LTBP4: variants seen among roughly 807,000 people sequenced by gnomAD.
The protein encoded by LTBP4 is latent-transforming growth factor beta-binding protein 4.
In LTBP4, 93 loss-of-function variants were observed where a neutral mutation model predicts 180.2. The ratio of observed to expected loss-of-function variants is 0.52; its 90% CI spans 0.44 to 0.61. LTBP4 has a LOEUF of 0.61. LTBP4 is among the 20% of genes least tolerant of loss of function. The probability of loss-of-function intolerance (pLI) is 0.00; values close to 1 mark genes in which losing one functional copy is unlikely to be tolerated. For missense variants in LTBP4, 2,116 were observed against 2,256.5 expected (o/e 0.94, Z 1.26); for synonymous variants, 947 against 934.5 (o/e 1.01, Z -0.24).
In LTBP4 at chr19:40,609,724, C is replaced by G; in HGVS notation, c.1559-22C>G. 6.2e-7 allele frequency: 1 copy of G among 1,611,422 alleles called. No individual in the cohort carries two copies. Among genetic ancestry groups the G allele is most frequent in the African/African-American group, 1.3e-5 (1 of 75,010 alleles). On this transcript the variant is annotated intron_variant, in intron 10 of 29. Coordinates refer to ENST00000396819, the MANE Select transcript of LTBP4 (RefSeq NM_001042545.2). The surrounding 1 kb of genome is among the most constrained non-coding windows in gnomAD (Gnocchi z 4.9). ...GGGGCTTTGCCTGGTCACCTTGTCA[C>G]CAGCCCCCTCCGTGTCCTCAGATGT...
intron 28 of LTBP4, 28 bp from the exon 29 acceptor site, chr19:40,627,677 A>C: frequency 6.4e-7 from 1 of 1,567,516 alleles, no homozygotes; most frequent in South Asian, 1.2e-5. Context: ...AGGGACCTCA[A>C]GTCATAGGGT....
rs1255065335 is a variant in LTBP4 at position 40,622,393 on chromosome 19, C to T, written c.3218-8C>T. The stretch of plus-strand genomic sequence containing the variant: ...CCCACACTGGGCTAAAGCTCCTTGT[C>T]TCCCCAGGCACGTTCCCAGGCTCGC... On this transcript the variant is annotated splice_region_variant and splice_polypyrimidine_tract_variant and intron_variant, in intron 22 of 29. Transcript: ENST00000396819. This position sits in a 1 kb window ranked among gnomAD's most constrained non-coding sequence, Gnocchi z 5.1. The T allele has an allele frequency of 1.4e-5, 21 of 1,496,708 alleles. No individual in the cohort carries two copies. Among genetic ancestry groups the T allele is most frequent in the Non-Finnish European group, 1.6e-5 (18 of 1,113,826 alleles). The allele number at this position is 1,496,708 out of a possible 1,614,324, so 92.7% of individuals were successfully genotyped here.
intron 20 of LTBP4, 35 bp from the exon 21 acceptor site, chr19:40,617,065 G>A (rs558840877): frequency 2.4e-5 from 39 of 1,613,438 alleles, no homozygotes; most frequent in Non-Finnish European, 3.3e-5. Context: ...GATGGTAGAA[G>A]GTCCAGAAAT....
chr19:40,626,054 G>T, intron 27 of LTBP4, 45 bp downstream of exon 27: 1 of 1,531,330 alleles, frequency 6.5e-7, no homozygotes, highest in Non-Finnish European at 8.7e-7. Context: ...TTGCCCCATG[G>T]GCTCCAAATC....
In LTBP4 at chr19:40,613,250, G is replaced by C; in HGVS notation, c.2431+54G>C. On this transcript the variant is annotated intron_variant, in intron 16 of 29. Transcript: ENST00000396819. The surrounding 1 kb of genome is among the most constrained non-coding windows in gnomAD (Gnocchi z 5.0). ...TCTGGGAGTAGGGCCTGGGTTCCAG[G>C]GCAAAGCCGGCTGGAAAGGTGGAGG... is the stretch of plus-strand genomic sequence containing the variant. 1 of 1,544,380 alleles carries C rather than the reference G, an allele frequency of 6.5e-7. No individual in the cohort carries two copies. The highest frequency in any genetic ancestry group is 8.8e-7 in the Non-Finnish European group (1 of 1,141,604).
At position 40,611,853 on chromosome 19, in the gene LTBP4, C is replaced by T. The variant is rs555932806; in HGVS notation, c.2054-6C>T. On this transcript the variant is annotated splice_polypyrimidine_tract_variant and splice_region_variant and intron_variant, in intron 13 of 29. Coordinates refer to ENST00000396819, the MANE Select transcript of LTBP4 (RefSeq NM_001042545.2). The surrounding 1 kb of genome is among the most constrained non-coding windows in gnomAD (Gnocchi z 4.4). ...TCCTCAGCCTCATTGGTCCCCTCTG[C>T]CCCAGATGTGGATGAGTGTGCCCGA... 1.2e-6 allele frequency: 2 copies of T among 1,606,398 alleles called. No homozygotes were observed. Among genetic ancestry groups the T allele is most frequent in the South Asian group, 1.1e-5 (1 of 89,368 alleles).
At chr19:40,623,778 C>G in intron 25 of LTBP4, 46 bp downstream of exon 25, 4 of 1,609,374 alleles carry the variant, frequency 2.5e-6, no homozygotes, top group Non-Finnish European at 2.6e-6. Context: ...TCTCCAACCC[C>G]TAGCCTTGCC....
chr19:40,628,299 G>A (rs2081652199), intron 29 of LTBP4, among the ~76,000 whole-genome samples: 1 of 152,192 alleles, frequency 6.6e-6, no homozygotes, highest in African/African-American at 2.4e-5. Context: ...CCAGCACTTT[G>A]GGAGGCCGAG....
intron 1 of LTBP4, among the ~76,000 whole-genome samples, chr19:40,595,730 TTTATTA>T (rs1414697756): frequency 1.3e-5 from 2 of 151,816 alleles, no homozygotes; most frequent in Non-Finnish European, 2.9e-5. Context: ...TATGTATTTA[TTTATTA>T]TTGAGATAGG....
Position 40,611,469 on chromosome 19 carries a change from GA to G in LTBP4, c.2053+76del, listed in dbSNP as rs1428897013. ...TGGAGAGAGATTATTGAGGGGCAGA[GA>G]GGCAGAGTGATGGGGCTCAGGGATG... is the stretch of plus-strand genomic sequence containing the variant. On this transcript the variant is annotated intron_variant, in intron 13 of 29. Coordinates refer to ENST00000396819, the MANE Select transcript of LTBP4 (RefSeq NM_001042545.2). The surrounding 1 kb of genome is among the most constrained non-coding windows in gnomAD (Gnocchi z 4.4). 3.3e-6 allele frequency: 5 copies of G among 1,529,652 alleles called. No homozygotes were observed. In the African/African-American group the frequency reaches 6.8e-5, roughly 21 times the overall value. 94.8% of individuals were successfully genotyped at this position (1,529,652 alleles called of 1,614,324 possible).
upstream of LTBP4, chr19:40,600,134 GAGA>G (rs2081413664): frequency 8.0e-7 from 1 of 1,257,476 alleles, no homozygotes; most frequent in Admixed American, 4.2e-5. The surrounding 1 kb of genome is among the most constrained non-coding windows in gnomAD (Gnocchi z 4.4). Flanking sequence ...GGGGACTACT[GAGA>G]AGGAGGCCCC....
At chr19:40,619,611 A>G in intron 22 of LTBP4, 118 bp downstream of exon 22, 1 of 1,128,188 alleles carries the variant, frequency 8.9e-7, no homozygotes, top group Admixed American at 2.9e-5. Context: ...TTAAACATCA[A>G]CAAAAGACAC....
intron 21 of LTBP4, among the ~76,000 whole-genome samples, chr19:40,617,651 A>G (rs2081560166): frequency 2.2e-5 from 1 of 46,460 alleles, no homozygotes; most frequent in African/African-American, 1.2e-4. Context: ...CTCAAAAAAA[A>G]AAAAAAAAAA....
Position 40,622,631 on chromosome 19 carries a change from G to A in LTBP4, c.3448G>A (p.Gly1150Ser), listed in dbSNP as rs750747756. Residue 1150 changes from glycine to serine, a missense_variant, in exon 23 of 30, where the codon GGC becomes AGC. Gly to Ser is a moderately conservative substitution (Grantham distance 56). Transcript: ENST00000396819. This position sits in a 1 kb window ranked among gnomAD's most constrained non-coding sequence, Gnocchi z 5.1. ...TACTGTGGGTGAGGGCTGGGGCAGC[G>A]GCTGCCGCATCCAGCAGTGCCCGGG... is the stretch of plus-strand genomic sequence containing the variant. ...CCTVGEGWGS[G>S]CRIQQCPGTE... 5.4e-5 allele frequency: 87 copies of A among 1,608,830 alleles called. No homozygotes were observed. Among genetic ancestry groups the A allele is most frequent in the Admixed American group, 1.0e-4 (6 of 59,822 alleles).
Position 40,626,804 on chromosome 19 carries a change from C to T in LTBP4, c.3986-171C>T, listed in dbSNP as rs112764969. On this transcript the variant is annotated intron_variant, in intron 27 of 29. Coordinates refer to ENST00000396819, the MANE Select transcript of LTBP4 (RefSeq NM_001042545.2). ...GGCTTCATTACCCTTGATCTCAGCACGTCCGAATCCCAGTCTCAGCCTTCA... is the reference window on the plus strand; with the variant it reads ...GGCTTCATTACCCTTGATCTCAGCATGTCCGAATCCCAGTCTCAGCCTTCA... Among the ~76,000 whole-genome samples, 515 of 152,304 alleles carry T rather than the reference C, an allele frequency of 3.4e-3. 2 individuals are homozygous for T. The highest frequency in any genetic ancestry group is 0.012 in the African/African-American group (495 of 41,564).
At position 40,609,386 on chromosome 19, in the gene LTBP4, G is replaced by C; in HGVS notation, c.1427-144G>C. 9.7e-7 allele frequency: 1 copy of C among 1,031,336 alleles called. No homozygotes were observed. Among genetic ancestry groups the C allele is most frequent in the East Asian group, 2.5e-5 (1 of 40,336 alleles). 63.9% of individuals were successfully genotyped at this position (1,031,336 alleles called of 1,614,324 possible). ...AGAACGTTCCAGGATAAAAAAGATGGAGATCAGAAGAAGACTGGGCTTGCT... is the reference window on the plus strand; with the variant it reads ...AGAACGTTCCAGGATAAAAAAGATGCAGATCAGAAGAAGACTGGGCTTGCT... On this transcript the variant is annotated intron_variant, in intron 9 of 29. Transcript: ENST00000396819. This position sits in a 1 kb window ranked among gnomAD's most constrained non-coding sequence, Gnocchi z 4.9.
Position 40,605,678 on chromosome 19 carries a change from C to T in LTBP4, c.690+26C>T, listed in dbSNP as rs1235563532. ...GTGAGAGGAGGCCCGTGGGGAGGGG[C>T]CCGGAGCTTGCCTCCGCGCGGGGGC... is the stretch of plus-strand genomic sequence containing the variant. On this transcript the variant is annotated intron_variant, in intron 3 of 29. Coordinates refer to ENST00000396819, the MANE Select transcript of LTBP4 (RefSeq NM_001042545.2). The surrounding 1 kb of genome is among the most constrained non-coding windows in gnomAD (Gnocchi z 5.5). 1.9e-6 allele frequency: 3 copies of T among 1,550,114 alleles called. No homozygotes were observed. Among genetic ancestry groups the T allele is most frequent in the Non-Finnish European group, 1.7e-6 (2 of 1,147,874 alleles).
At chr19:40,598,571 CTG>C (rs1273998869), upstream of LTBP4, 1 of 153,150 alleles carries the variant, frequency 6.5e-6, no homozygotes, top group Non-Finnish European at 1.5e-5. Flanking sequence ...AGGCGGGAAA[CTG>C]AGGCCCAAAG....
Position 40,611,225 on chromosome 19 carries a change from C to T in LTBP4, c.1884C>T (p.Arg628=). Residue 628 remains arginine (R), a synonymous_variant, in exon 13 of 30, where the codon CGC becomes CGT. Transcript: ENST00000396819. This position sits in a 1 kb window ranked among gnomAD's most constrained non-coding sequence, Gnocchi z 4.4. ...GACKNLPGSF[R]CVCPAGFRGS... is the part of the protein sequence containing the mutation. Reference sequence around the variant, plus strand: ...GCAAGAACCTGCCTGGCTCTTTCCGCTGTGTTTGCCCGGCTGGCTTCCGGG... The same window carrying T: ...GCAAGAACCTGCCTGGCTCTTTCCGTTGTGTTTGCCCGGCTGGCTTCCGGG... 1.9e-6 allele frequency: 3 copies of T among 1,613,818 alleles called. No individual in the cohort carries two copies. The highest frequency in any genetic ancestry group is 2.5e-6 in the Non-Finnish European group (3 of 1,179,826).
Sources: gnomAD v4.1 joint callset for allele counts (sites outside exome capture counted in the v4.1 genomes callset) on GRCh38, gnomAD v4.1.1 for gene constraint, Gnocchi (gnomAD v3.1) non-coding constraint, MANE v1.5 for transcripts, NCBI Gene and HGNC (gene_info 2026-07-23, HGNC 2026-07-21) for gene names.